PTPRQ: variants seen among roughly 807,000 people sequenced by gnomAD.
The protein encoded by PTPRQ is phosphatidylinositol phosphatase PTPRQ.
PTPRQ carries 199 observed loss-of-function variants against 246.0 expected under a neutral mutation model. That is an observed-to-expected ratio of 0.81 (90% confidence interval 0.72 to 0.91). The LOEUF (loss-of-function observed/expected upper bound fraction) is 0.91. Ranked by LOEUF, PTPRQ falls within the 40% of genes least tolerant of loss-of-function variation. The probability of loss-of-function intolerance (pLI) is 0.00; values close to 1 mark genes in which losing one functional copy is unlikely to be tolerated. For synonymous variants in PTPRQ, 869 were observed against 853.2 expected, an observed-to-expected ratio of 1.02 and a Z score of -0.32; for missense variants, 2,624 against 2,528.4, an observed-to-expected ratio of 1.04 and a Z score of -0.81.
At chr12:80,527,886 G>C (rs1236070865) in intron 17 of PTPRQ, among the ~76,000 whole-genome samples, 2 of 152,136 alleles carry the variant, frequency 1.3e-5, no homozygotes, top group Middle Eastern at 6.3e-3. Flanking sequence ...TTGAACCCAG[G>C]AGTTTGCGAT....
intron 35 of PTPRQ, among the ~76,000 whole-genome samples, 179 bp from the exon 36 acceptor site, chr12:80,648,718 C>A (rs1479330701): frequency 6.6e-6 from 1 of 151,648 alleles, no homozygotes; most frequent in Non-Finnish European, 1.5e-5. Flanking sequence ...ATGTTTGAGT[C>A]CAAATAATGT....
chr12:80,576,289 G>T (rs149127154), intron 25 of PTPRQ, among the ~76,000 whole-genome samples: 1 of 151,946 alleles, frequency 6.6e-6, no homozygotes, highest in Admixed American at 6.6e-5. Context: ...CTATAGGCAC[G>T]TGCCATCACA....
At chr12:80,569,871 T>C (rs529775809) in intron 25 of PTPRQ, among the ~76,000 whole-genome samples, 18 of 152,182 alleles carry the variant, frequency 1.2e-4, no homozygotes, top group African/African-American at 4.3e-4. Flanking sequence ...CTGAGAATGA[T>C]GGTTTCCAGC....
intron 25 of PTPRQ, among the ~76,000 whole-genome samples, chr12:80,564,405 T>G (rs1896920992): frequency 1.3e-5 from 2 of 152,216 alleles, no homozygotes; most frequent in African/African-American, 2.4e-5. Context: ...GTGAATTTAA[T>G]GATTTTTAAG....
At chr12:80,481,034 A>G (rs1035506640) in intron 8 of PTPRQ, among the ~76,000 whole-genome samples, 7 of 152,128 alleles carry the variant, frequency 4.6e-5, no homozygotes, top group Admixed American at 1.3e-4. Context: ...TGAGGCCAGC[A>G]TCATTCTGAT....
chr12:80,655,522 A>C (rs17007081), intron 38 of PTPRQ, among the ~76,000 whole-genome samples: 13,028 of 152,074 alleles, frequency 0.086, 740 homozygotes, highest in South Asian at 0.18. Flanking sequence ...CAAGCCGTAA[A>C]GTCACAGGCA....
chr12:80,447,692 C>G (rs1892596201), intron 3 of PTPRQ, among the ~76,000 whole-genome samples: 1 of 150,390 alleles, frequency 6.6e-6, no homozygotes, highest in African/African-American at 2.5e-5. Context: ...TCAACTTTGT[C>G]AAAAATCAGT....
At chr12:80,500,309 ACT>A (rs1212816570) in intron 14 of PTPRQ, among the ~76,000 whole-genome samples, 2 of 151,974 alleles carry the variant, frequency 1.3e-5, no homozygotes, top group African/African-American at 4.8e-5. Flanking sequence ...ATTCGGGGAC[ACT>A]CTGCTATTTC....
intron 8 of PTPRQ, among the ~76,000 whole-genome samples, chr12:80,482,485 A>G (rs1379841949): frequency 5.3e-5 from 8 of 151,562 alleles, no homozygotes; most frequent in Non-Finnish European, 1.2e-4. Flanking sequence ...CATGTCTAAA[A>G]CACCAAAAGC....
At chr12:80,549,777 A>G (rs1053623014) in intron 25 of PTPRQ, 43 bp downstream of exon 25, 1 of 1,494,048 alleles carries the variant, frequency 6.7e-7, no homozygotes, top group African/African-American at 1.4e-5. Flanking sequence ...ACCTTTAACT[A>G]TTTGGGGATT....
intron 26 of PTPRQ, among the ~76,000 whole-genome samples, chr12:80,603,413 C>G (rs182941137): frequency 1.3e-5 from 2 of 151,676 alleles, no homozygotes; most frequent in Non-Finnish European, 3.0e-5. Flanking sequence ...AATTCTTTAA[C>G]GTAACAATCA....
At chr12:80,510,606 G>GTAGTGGT (rs1410366419) in intron 17 of PTPRQ, among the ~76,000 whole-genome samples, 163 bp downstream of exon 17, 1 of 152,106 alleles carries the variant, frequency 6.6e-6, no homozygotes, top group Non-Finnish European at 1.5e-5. Flanking sequence ...TCCATATTAT[G>GTAGTGGT]TAGTGGTTCA....
At chr12:80,537,293 T>C (rs1161719283) in intron 19 of PTPRQ, among the ~76,000 whole-genome samples, 3 of 152,188 alleles carry the variant, frequency 2.0e-5, no homozygotes, top group Non-Finnish European at 4.4e-5. Context: ...AAAATGAAAA[T>C]TATGTAGCAG....
chr12:80,534,257 C>T, intron 18 of PTPRQ, 82 bp downstream of exon 18: 1 of 1,322,924 alleles, frequency 7.6e-7, no homozygotes, highest in South Asian at 1.8e-5. Context: ...ATTCAAATAT[C>T]AAAATGTATG....
intron 38 of PTPRQ, among the ~76,000 whole-genome samples, chr12:80,653,226 TA>T (rs974959468): frequency 8.9e-4 from 135 of 152,046 alleles, no homozygotes; most frequent in Admixed American, 8.4e-3. Context: ...CTATGGAACA[TA>T]AAAAAAATGC....
At chr12:80,514,404 T>A (rs3045970) in intron 17 of PTPRQ, among the ~76,000 whole-genome samples, 2,246 of 33,132 alleles carry the variant, frequency 0.068, 62 homozygotes, top group African/African-American at 0.14. Flanking sequence ...ACACACACAC[T>A]CTCTCTCTCT....
chr12:80,530,449 AT>A (rs1263182365), intron 17 of PTPRQ, among the ~76,000 whole-genome samples: 1 of 152,148 alleles, frequency 6.6e-6, no homozygotes, highest in Non-Finnish European at 1.5e-5. Context: ...TTGAATATTG[AT>A]TTTGTACATA....
At chr12:80,621,663 A>G (rs781079209) in intron 32 of PTPRQ, among the ~76,000 whole-genome samples, 154 of 151,980 alleles carry the variant, frequency 1.0e-3, no homozygotes, top group Non-Finnish European at 1.7e-3. Flanking sequence ...AATCTAATTC[A>G]CTAGCATTTG....
chr12:80,462,341 T>G (rs1893218450), intron 6 of PTPRQ: 1 of 197,828 alleles, frequency 5.1e-6, no homozygotes, highest in South Asian at 7.2e-5. Flanking sequence ...CAGGCTTGCT[T>G]AGGTAAACAA....
Sources: allele counts gnomAD v4.1 joint callset (sites outside exome capture counted in the v4.1 genomes callset), GRCh38; gene constraint gnomAD v4.1.1; transcripts MANE v1.5; gene names NCBI Gene and HGNC (gene_info 2026-07-23, HGNC 2026-07-21).